AKAP13: variants seen among roughly 807,000 people sequenced by gnomAD.
AKAP13 encodes A-kinase anchoring protein 13, also known as A-kinase anchor protein 13.
A neutral mutation model predicts 264.5 loss-of-function variants in AKAP13; 80 were observed. The observed-to-expected ratio is 0.30, with a 90% confidence interval of 0.25 to 0.36. AKAP13 has a LOEUF of 0.36. AKAP13 is among the 10% of genes least tolerant of loss of function. AKAP13 has a pLI of 1.00. For missense variants in AKAP13, 3,712 were observed against 3,435.2 expected (o/e 1.08, Z -2.01); for synonymous variants, 1,380 against 1,250.2 (o/e 1.10, Z -2.19).
At position 85,581,176 on chromosome 15, in the gene AKAP13, G is replaced by A; in HGVS notation, c.3108G>A (p.Glu1036=). Residue 1036 remains glutamate, a synonymous_variant, in exon 7 of 37, where the codon GAG becomes GAA. Coordinates refer to ENST00000394518, the MANE Select transcript of AKAP13 (RefSeq NM_007200.5). ...TESRQEALGA[E]HNSSALLPCL... ...CAAGGCAGGAAGCCTTGGGGGCAGA[G>A]CACAACAGCTCCGCTCTGTTGCCAT... 1 of 1,614,192 alleles carries A rather than the reference G, an allele frequency of 6.2e-7. No individual in the cohort carries two copies.
intron 31 of AKAP13, 38 bp downstream of exon 31, chr15:85,735,188 C>A: frequency 6.3e-7 from 1 of 1,598,438 alleles, no homozygotes; most frequent in Non-Finnish European, 8.5e-7. Flanking sequence ...ATAGGCAATC[C>A]TTGACTATCT....
chr15:85,732,787 T>C (rs991696831), intron 30 of AKAP13, among the ~76,000 whole-genome samples: 8 of 150,380 alleles, frequency 5.3e-5, no homozygotes, highest in African/African-American at 1.5e-4. Context: ...GTAATACTAA[T>C]AGTATTACTA....
intron 1 of AKAP13, among the ~76,000 whole-genome samples, chr15:85,459,352 ATT>A (rs557848037): frequency 0.017 from 2,245 of 130,600 alleles, 55 homozygotes; most frequent in African/African-American, 0.06. Context: ...CGCCCGGCTA[ATT>A]TTTTTTTTTT....
intron 5 of AKAP13, among the ~76,000 whole-genome samples, chr15:85,570,549 A>C (rs75062282): frequency 0.016 from 2,395 of 152,320 alleles, 30 homozygotes; most frequent in Non-Finnish European, 0.025. Flanking sequence ...TCCCTGAAGG[A>C]AAGAGGAAGA....
At chr15:85,587,615 T>A (rs1300261878) in intron 8 of AKAP13, among the ~76,000 whole-genome samples, 1 of 152,200 alleles carries the variant, frequency 6.6e-6, no homozygotes, top group Non-Finnish European at 1.5e-5. Context: ...TGAGATTATT[T>A]TTCTTTGTTT....
intron 8 of AKAP13, chr15:85,619,216 C>G (rs763393399): frequency 1.2e-5 from 3 of 253,924 alleles, no homozygotes; most frequent in African/African-American, 4.6e-5. Flanking sequence ...CTCTTCGTCT[C>G]GGTAGATGAA....
chr15:85,633,368 C>CGGGG (rs144422261), intron 8 of AKAP13, among the ~76,000 whole-genome samples: 1 of 146,510 alleles, frequency 6.8e-6, no homozygotes, highest in Non-Finnish European at 1.5e-5. Flanking sequence ...ATAATAGGGG[C>CGGGG]GGGGGGGGAG....
chr15:85,410,560 A>G (rs1384274325), intron 1 of AKAP13, among the ~76,000 whole-genome samples: 1 of 151,514 alleles, frequency 6.6e-6, no homozygotes, highest in Non-Finnish European at 1.5e-5. Context: ...TCATTAGTAT[A>G]TTGGCAGTGT....
chr15:85,428,967 T>C (rs1364790615), intron 1 of AKAP13, among the ~76,000 whole-genome samples: 1 of 152,244 alleles, frequency 6.6e-6, no homozygotes, highest in African/African-American at 2.4e-5. Context: ...ATTTTGTTTT[T>C]CCTTACCTTA....
chr15:85,628,404 G>A (rs1032212761), intron 8 of AKAP13, among the ~76,000 whole-genome samples: 2 of 152,152 alleles, frequency 1.3e-5, no homozygotes, highest in African/African-American at 4.8e-5. Context: ...GCCGCCTTCT[G>A]CTAGATTTCC....
chr15:85,526,371 T>C (rs573374597), intron 3 of AKAP13, among the ~76,000 whole-genome samples: 3 of 152,290 alleles, frequency 2.0e-5, no homozygotes, highest in South Asian at 2.1e-4. Flanking sequence ...GTTATTCTTA[T>C]ACCTCAGCCT....
rs1210645164 is a variant in AKAP13 at position 85,531,060 on chromosome 15, C to T, written c.182-2524C>T. Among the ~76,000 whole-genome samples the T allele has an allele frequency of 6.6e-5, 10 of 152,206 alleles. No individual in the cohort carries two copies. In the East Asian group the frequency reaches 1.9e-3, roughly 29 times the overall value. ...ATTTTTAGTACAGACAGAGTCTTGC[C>T]ATGTTCGCCAGGCTGGTCTCGAACT... On this transcript the variant is annotated intron_variant, in intron 3 of 36. Transcript: ENST00000394518.
At chr15:85,578,116 C>T (rs2079074645) in intron 6 of AKAP13, among the ~76,000 whole-genome samples, 1 of 152,120 alleles carries the variant, frequency 6.6e-6, no homozygotes, top group Non-Finnish European at 1.5e-5. Context: ...GACCCCGTCT[C>T]TACAAAAAAT....
intron 1 of AKAP13, among the ~76,000 whole-genome samples, chr15:85,412,120 T>C (rs1317679690): frequency 6.6e-6 from 1 of 152,172 alleles, no homozygotes; most frequent in Non-Finnish European, 1.5e-5. Context: ...GCAAAAATCA[T>C]GCTTGGGTAA....
At chr15:85,710,889 G>T (rs1332013519) in intron 19 of AKAP13, among the ~76,000 whole-genome samples, 2 of 152,172 alleles carry the variant, frequency 1.3e-5, no homozygotes. Context: ...CCTTTGCCCT[G>T]TGTGTTTAAG....
chr15:85,419,994 T>A (rs2072445682), intron 1 of AKAP13, among the ~76,000 whole-genome samples: 2 of 135,268 alleles, frequency 1.5e-5, no homozygotes, highest in Admixed American at 9.4e-5. Flanking sequence ...CAGGCTGGAG[T>A]GCAGTGGCGG....
Position 85,709,497 on chromosome 15 carries a change from C to T in AKAP13, c.5533-1082C>T, listed in dbSNP as rs375515256. 3.3e-5 allele frequency among the ~76,000 whole-genome samples: 5 copies of T among 152,048 alleles called. 2 individuals are homozygous for T. In the East Asian group the frequency reaches 9.7e-4, roughly 29 times the overall value. Reference sequence around the variant, plus strand: ...GCCACTGCCTTCCCACACCCCACCCCACCCCAGCTTGCTTCTGTCATTTGT... The same window carrying T: ...GCCACTGCCTTCCCACACCCCACCCTACCCCAGCTTGCTTCTGTCATTTGT... On this transcript the variant is annotated intron_variant, in intron 18 of 36. Coordinates refer to ENST00000394518, the MANE Select transcript of AKAP13 (RefSeq NM_007200.5).
Position 85,580,144 on chromosome 15 carries a change from C to T in AKAP13, c.2076C>T (p.Ser692=). The change falls in exon 7 of 37, where the codon AGC becomes AGT. Residue 692 remains serine, a synonymous_variant. Coordinates refer to ENST00000394518, the MANE Select transcript of AKAP13 (RefSeq NM_007200.5). The part of the protein sequence containing the change: ...LCDNIVSESE[S]TTARQPSSQD... The stretch of plus-strand genomic sequence containing the variant: ...ATAACATAGTTAGCGAGTCCGAAAG[C>T]ACCACAGCAAGGCAACCCAGCTCAC... 6.2e-7 allele frequency: 1 copy of T among 1,614,156 alleles called. No individual in the cohort carries two copies. Among genetic ancestry groups the T allele is most frequent in the Non-Finnish European group, 8.5e-7 (1 of 1,180,020 alleles).
intron 1 of AKAP13, among the ~76,000 whole-genome samples, chr15:85,457,316 T>G (rs2074316330): frequency 6.6e-6 from 1 of 152,210 alleles, no homozygotes; most frequent in South Asian, 2.1e-4. Flanking sequence ...TAAGAAATTA[T>G]CCACCAGAAA....
Sources: gnomAD v4.1 joint callset for allele counts (sites outside exome capture counted in the v4.1 genomes callset) on GRCh38, gnomAD v4.1.1 for gene constraint, MANE v1.5 for transcripts, NCBI Gene and HGNC (gene_info 2026-07-23, HGNC 2026-07-21) for gene names.